Variants in ANKFN1 observed in about 807,000 individuals in gnomAD.
ANKFN1 encodes the protein ankyrin repeat and fibronectin type-III domain-containing protein 1.
A neutral mutation model predicts 108.7 loss-of-function variants in ANKFN1; 74 were observed. The ratio of observed to expected loss-of-function variants is 0.68; its 90% confidence interval spans 0.56 to 0.83. The LOEUF (loss-of-function observed/expected upper bound fraction) is 0.83, where lower values mean the gene tolerates loss of function less well. Ranked by LOEUF, ANKFN1 falls within the 40% of genes least tolerant of loss-of-function variation. ANKFN1 has a pLI of 0.00. For missense variants in ANKFN1, 1,505 were observed against 1,382.3 expected (o/e 1.09, Z -1.41); for synonymous variants, 547 against 516.2 (o/e 1.06, Z -0.81).
chr17:56,505,425 G>T (rs2051523189), intron 20 of ANKFN1, among the ~76,000 whole-genome samples: 2 of 152,182 alleles, frequency 1.3e-5, no homozygotes, highest in African/African-American at 4.8e-5. Context: ...GTGTAGTTGG[G>T]AGGTCTTCAT....
At chr17:56,283,524 GATATAT>G in intron 3 of ANKFN1, among the ~76,000 whole-genome samples, 1 of 141,608 alleles carries the variant, frequency 7.1e-6, no homozygotes, top group African/African-American at 3.0e-5. Flanking sequence ...AAGAAACTGT[GATATAT>G]ATATATATGA....
intron 3 of ANKFN1, among the ~76,000 whole-genome samples, chr17:56,260,924 C>T (rs188344413): frequency 7.9e-5 from 12 of 152,344 alleles, no homozygotes; most frequent in African/African-American, 2.9e-4. Flanking sequence ...TTAACTTACT[C>T]CTCTTTTGAG....
chr17:56,110,466 C>T (rs1905898931), intron 4 of ANKFN1, among the ~76,000 whole-genome samples: 1 of 152,142 alleles, frequency 6.6e-6, no homozygotes, highest in Non-Finnish European at 1.5e-5. Flanking sequence ...TGGGACTAGT[C>T]GATTAGTGTC....
Position 56,372,645 on chromosome 17 carries a change from G to T in ANKFN1, c.602-1G>T, listed in dbSNP as rs1174669872. Reference sequence around the variant, plus strand: ...AAGTAATCCCATTTCTTTCCCTTTAGTTGTCAGCCTGGAAAGCCGAGCAAT... The same window carrying T: ...AAGTAATCCCATTTCTTTCCCTTTATTTGTCAGCCTGGAAAGCCGAGCAAT... On this transcript the variant is annotated splice_acceptor_variant, in intron 6 of 20. Coordinates refer to ENST00000682825, the MANE Select transcript of ANKFN1 (RefSeq NM_001370326.1). LOFTEE classifies it high-confidence loss of function. 2 of 1,608,936 alleles carry T rather than the reference G, an allele frequency of 1.2e-6. No homozygotes were observed. Among genetic ancestry groups the T allele is most frequent in the Admixed American group, 1.7e-5 (1 of 58,982 alleles).
At chr17:56,480,640 T>C in intron 16 of ANKFN1, 28 bp from the exon 17 acceptor site, 1 of 1,610,478 alleles carries the variant, frequency 6.2e-7, no homozygotes. Flanking sequence ...TTGTTATATT[T>C]CTAATTTTAA....
intron 8 of ANKFN1, among the ~76,000 whole-genome samples, chr17:56,404,200 T>A (rs534291123): frequency 1.3e-5 from 2 of 152,324 alleles, no homozygotes; most frequent in African/African-American, 4.8e-5. Flanking sequence ...TGTATTTGGA[T>A]GTCTAGGTCA....
At chr17:56,325,038 C>T (rs763250876) in intron 3 of ANKFN1, among the ~76,000 whole-genome samples, 25 of 152,162 alleles carry the variant, frequency 1.6e-4, no homozygotes, top group Non-Finnish European at 4.4e-5. Context: ...ATTAACTCTC[C>T]ACCCTCTTGT....
At chr17:56,123,647 T>C (rs1444143671) in intron 4 of ANKFN1, among the ~76,000 whole-genome samples, 1 of 152,190 alleles carries the variant, frequency 6.6e-6, no homozygotes, top group Non-Finnish European at 1.5e-5. Flanking sequence ...GTAGGTGTGC[T>C]AGGTTGAAAA....
chr17:56,097,282 TTTTG>T (rs1905553542), intron 4 of ANKFN1, among the ~76,000 whole-genome samples: 1 of 68,890 alleles, frequency 1.5e-5, no homozygotes, highest in Non-Finnish European at 4.1e-5. Context: ...AAAATGAAGA[TTTTG>T]AAGATTGTAT....
intron 3 of ANKFN1, among the ~76,000 whole-genome samples, chr17:56,291,491 C>T (rs187945259): frequency 7.4e-4 from 113 of 152,308 alleles, no homozygotes; most frequent in African/African-American, 2.6e-3. Flanking sequence ...AATAGCCACA[C>T]ATTTAGGGGC....
chr17:56,227,808 T>TTC, intron 2 of ANKFN1, 109 bp from the exon 3 acceptor site: 2 of 838,230 alleles, frequency 2.4e-6, no homozygotes, highest in South Asian at 1.6e-5. Context: ...TAGGCTAGGC[T>TTC]TCTCTCTCTT....
intron 8 of ANKFN1, among the ~76,000 whole-genome samples, chr17:56,391,400 GTGTGTGTGTGTA>G (rs1439108317): frequency 2.8e-4 from 27 of 95,952 alleles, no homozygotes; most frequent in South Asian, 1.8e-3. Context: ...GTGTGTGTGT[GTGTGTGTGTGTA>G]CATATATATA....
chr17:56,416,412 T>A (rs537635919), intron 8 of ANKFN1, among the ~76,000 whole-genome samples: 1 of 152,296 alleles, frequency 6.6e-6, no homozygotes, highest in South Asian at 2.1e-4. Flanking sequence ...TAAGCATTTC[T>A]CAAAAGAAGA....
chr17:56,400,095 A>G (rs925102658), intron 8 of ANKFN1, among the ~76,000 whole-genome samples: 8 of 152,028 alleles, frequency 5.3e-5, no homozygotes, highest in Middle Eastern at 3.4e-3. Context: ...CTCTGGGTGG[A>G]TACCCAGTAG....
chr17:56,408,256 G>C (rs2047981618), intron 8 of ANKFN1, among the ~76,000 whole-genome samples: 1 of 152,012 alleles, frequency 6.6e-6, no homozygotes, highest in Non-Finnish European at 1.5e-5. Context: ...TATTTATAAT[G>C]GTCAATCAGT....
At chr17:56,189,465 C>T (rs1313242513) in intron 1 of ANKFN1, among the ~76,000 whole-genome samples, 1 of 152,048 alleles carries the variant, frequency 6.6e-6, no homozygotes, top group South Asian at 2.1e-4. Context: ...CCACCGCGCC[C>T]GGCCTGCCCT....
intron 2 of ANKFN1, among the ~76,000 whole-genome samples, chr17:56,223,371 T>C (rs1033414605): frequency 1.3e-5 from 2 of 152,306 alleles, no homozygotes; most frequent in South Asian, 4.1e-4. Context: ...TGTTTGATAA[T>C]GAAAATTGCT....
At chr17:56,125,668 G>A (rs1047361048) in intron 4 of ANKFN1, among the ~76,000 whole-genome samples, 8 of 152,200 alleles carry the variant, frequency 5.3e-5, no homozygotes, top group Non-Finnish European at 8.8e-5. Context: ...GCACAGAGAG[G>A]CCAGTTCACT....
chr17:56,510,886 A>C lies in ANKFN1; in HGVS notation c.3058A>C (p.Ile1020Leu). 1.3e-6 allele frequency: 2 copies of C among 1,536,144 alleles called. No individual in the cohort carries two copies. The highest frequency in any genetic ancestry group is 2.0e-5 in the Admixed American group (1 of 51,008). The change falls in exon 21 of 21, where the codon ATC becomes CTC. Residue 1020 changes from isoleucine to leucine, a missense_variant. Transcript: ENST00000682825. ...GFSRHHRWLR[I>L]HSETQSLSLS... ...CAGCCGCCATCATCGCTGGTTGCGC[A>C]TCCACAGCGAGACCCAGTCGCTATC...
Sources: gnomAD v4.1 joint callset for allele counts (sites outside exome capture counted in the v4.1 genomes callset) on GRCh38, gnomAD v4.1.1 for gene constraint, MANE v1.5 for transcripts, NCBI Gene and HGNC (gene_info 2026-07-23, HGNC 2026-07-21) for gene names.